Variants in NPAS2 observed in about 807,000 individuals in gnomAD.
NPAS2 encodes the protein neuronal PAS domain-containing protein 2.
A neutral mutation model predicts 107.5 loss-of-function variants in NPAS2; 23 were observed. The observed-to-expected ratio is 0.21, with a 90% CI of 0.15 to 0.30. The LOEUF (loss-of-function observed/expected upper bound fraction) is 0.30, where lower values mean the gene tolerates loss of function less well. Among genes scored for constraint, NPAS2 ranks in the 10% least tolerant of loss-of-function variants. The pLI is 1.00. For missense variants in NPAS2, 756 were observed against 1,043.3 expected (o/e 0.72, Z 3.79); for synonymous variants, 403 against 417.5 (o/e 0.97, Z 0.42).
intron 1 of NPAS2, among the ~76,000 whole-genome samples, chr2:100,900,278 C>T (rs1681689692): frequency 6.6e-6 from 1 of 152,006 alleles, no homozygotes; most frequent in African/African-American, 2.4e-5. Flanking sequence ...TTTTTTTAAG[C>T]AGGCAAAAGA....
chr2:100,957,614 G>A (rs1386630003), intron 7 of NPAS2, among the ~76,000 whole-genome samples: 1 of 152,226 alleles, frequency 6.6e-6, no homozygotes, highest in Non-Finnish European at 1.5e-5. Context: ...GAAACTGGCC[G>A]GGTGATTTTC....
rs767231151 is a variant in NPAS2 at position 100,995,440 on chromosome 2, C to T, written c.2333C>T (p.Ser778Leu). The T allele has an allele frequency of 2.4e-5, 39 of 1,613,916 alleles. No individual in the cohort carries two copies. In the Admixed American group the frequency reaches 2.5e-4, roughly 10 times the overall value. Residue 778 changes from serine (S) to leucine (L), a missense_variant, in exon 21 of 21, where the codon TCG becomes TTG. Transcript: ENST00000335681. ...PTSLHSEQQD[S>L]LLLSTYSQQP... Reference sequence around the variant, plus strand: ...TCTTTGCACAGTGAGCAGCAGGACTCGCTACTTCTCTCCACCTACTCACAA... The same window carrying T: ...TCTTTGCACAGTGAGCAGCAGGACTTGCTACTTCTCTCCACCTACTCACAA...
chr2:100,929,276 A>C (rs1215802170), intron 3 of NPAS2, among the ~76,000 whole-genome samples: 1 of 152,178 alleles, frequency 6.6e-6, no homozygotes. Context: ...TCCAAGTCAG[A>C]CAGCCAGGAA....
intron 1 of NPAS2, among the ~76,000 whole-genome samples, chr2:100,876,822 T>A (rs1044448810): frequency 6.6e-6 from 1 of 152,174 alleles, no homozygotes; most frequent in Non-Finnish European, 1.5e-5. Flanking sequence ...TCCCCGACTC[T>A]TAACAAAGAC....
intron 1 of NPAS2, among the ~76,000 whole-genome samples, chr2:100,844,233 A>G (rs910199618): frequency 1.3e-5 from 2 of 152,090 alleles, no homozygotes; most frequent in Non-Finnish European, 2.9e-5. Context: ...TGTGGGTACC[A>G]CTGAAGGGGG....
intron 7 of NPAS2, among the ~76,000 whole-genome samples, chr2:100,961,540 A>G (rs1352289854): frequency 6.6e-6 from 1 of 152,244 alleles, no homozygotes. Context: ...GCTACAAACA[A>G]TAATGAAACT....
In NPAS2 at chr2:100,839,622, T is replaced by A. The variant is rs181946971; in HGVS notation, c.-23+19208T>A. Among the ~76,000 whole-genome samples the A allele has an allele frequency of 4.6e-5, 7 of 152,308 alleles. No individual in the cohort carries two copies. The East Asian group carries it at 1.4e-3, about 29-fold the overall frequency. On this transcript the variant is annotated intron_variant, in intron 1 of 20. Transcript: ENST00000335681. ...AGGCTTCTGGTCAACAGTAGGTTAT[T>A]CATAGTTAAGTTTTGGGGGAATCAA...
chr2:100,937,904 T>G (rs889814481), intron 5 of NPAS2, 62 bp downstream of exon 5: 1 of 1,270,954 alleles, frequency 7.9e-7, no homozygotes, highest in African/African-American at 1.5e-5. Context: ...TGAGAATCAT[T>G]AGATCTCAGA....
At chr2:100,834,492 T>A (rs1676936971) in intron 1 of NPAS2, among the ~76,000 whole-genome samples, 1 of 152,168 alleles carries the variant, frequency 6.6e-6, no homozygotes, top group Non-Finnish European at 1.5e-5. Flanking sequence ...GACATCTGAC[T>A]TTTTTCAGAT....
chr2:100,852,209 AC>A (rs946435683), intron 1 of NPAS2, among the ~76,000 whole-genome samples: 16 of 152,064 alleles, frequency 1.1e-4, no homozygotes, highest in African/African-American at 3.4e-4. Context: ...ATCCTGGCTA[AC>A]ACGGTGAAAC....
intron 15 of NPAS2, among the ~76,000 whole-genome samples, chr2:100,978,155 C>A (rs1387985550): frequency 6.6e-6 from 1 of 152,098 alleles, no homozygotes. Flanking sequence ...TGCCTCACAT[C>A]CCCCCACCCT....
rs373167060 is a variant in NPAS2, at chr2:100,937,845, G to A, written c.363+3G>A. The A allele has an allele frequency of 3.1e-6, 5 of 1,604,042 alleles. No homozygotes were observed. Among genetic ancestry groups the A allele is most frequent in the African/African-American group, 2.7e-5 (2 of 74,680 alleles). ...CGCCTCTCCTTGGGCATTTACCGGT[G>A]AGTTTCCACTCCAATGGCCTTTACC... On this transcript the variant is annotated splice_donor_region_variant and intron_variant, in intron 5 of 20. Coordinates refer to ENST00000335681, the MANE Select transcript of NPAS2 (RefSeq NM_002518.4).
In NPAS2 at chr2:100,952,678, A is replaced by G. The variant is rs75762861; in HGVS notation, c.598+3198A>G. On this transcript the variant is annotated intron_variant, in intron 7 of 20. Transcript: ENST00000335681. ...TGATCTCATTAAGATGCTGCTGAAT[A>G]TCCCTTTGAAGCATCCTGTCATTTA... is the stretch of plus-strand genomic sequence containing the variant. Among the ~76,000 whole-genome samples the G allele has an allele frequency of 1.0e-3, 152 of 152,192 alleles. 1 individual carries two copies. The East Asian group carries it at 0.027, about 27-fold the overall frequency.
At chr2:100,954,664 C>CAAAAAAAAAAAAAA (rs1194534141) in intron 7 of NPAS2, among the ~76,000 whole-genome samples, 3 of 81,346 alleles carry the variant, frequency 3.7e-5, no homozygotes, top group Non-Finnish European at 7.8e-5. Flanking sequence ...AACTGTGTCT[C>CAAAAAAAAAAAAAA]AAAAAAAAAA....
intron 2 of NPAS2, among the ~76,000 whole-genome samples, chr2:100,909,692 C>T (rs72627430): frequency 0.067 from 10,034 of 150,472 alleles, 510 homozygotes; most frequent in East Asian, 0.14. Flanking sequence ...AGCTCCCACA[C>T]GGGGGGAAAA....
intron 7 of NPAS2, among the ~76,000 whole-genome samples, chr2:100,951,010 G>T (rs1233731261): frequency 6.6e-6 from 1 of 152,202 alleles, no homozygotes; most frequent in Non-Finnish European, 1.5e-5. Context: ...TAGCGCAGTG[G>T]TTCTTTGGGT....
In NPAS2 at chr2:100,829,191, T is replaced by G. The variant is rs6727593; in HGVS notation, c.-23+8777T>G. On this transcript the variant is annotated intron_variant, in intron 1 of 20. Transcript: ENST00000335681. ...GGAACTGTGTGTGTTTTGTTGTTTTTTTTTTTTTTTTGAGACAGAGTCTCA... is the reference window on the plus strand; with the variant it reads ...GGAACTGTGTGTGTTTTGTTGTTTTGTTTTTTTTTTTGAGACAGAGTCTCA... Among the ~76,000 whole-genome samples, 198 of 113,794 alleles carry G rather than the reference T, an allele frequency of 1.7e-3. 2 individuals carry two copies. The highest frequency in any genetic ancestry group is 0.015 in the East Asian group (61 of 3,946). 74.7% of individuals were successfully genotyped at this position (113,794 alleles called of 152,430 possible).
chr2:100,996,240 C>A lies in NPAS2; in HGVS notation c.*658C>A, dbSNP rs1413161825. ...ACAGATTCACACTTTCTGGCCTAAACCCTAATGGGATGAGGCTTTTCACCC... is the reference window on the plus strand; with the variant it reads ...ACAGATTCACACTTTCTGGCCTAAAACCTAATGGGATGAGGCTTTTCACCC... On this transcript the variant is annotated 3_prime_UTR_variant, in exon 21 of 21. Coordinates refer to ENST00000335681, the MANE Select transcript of NPAS2 (RefSeq NM_002518.4). 5.4e-6 allele frequency: 1 copy of A among 186,478 alleles called. No homozygotes were observed. The highest frequency in any genetic ancestry group is 2.4e-5 in the African/African-American group (1 of 42,234). 11.6% of individuals were successfully genotyped at this position (186,478 alleles called of 1,614,324 possible).
At chr2:100,819,486 G>A (rs1417335713), upstream of NPAS2, among the ~76,000 whole-genome samples, 2 of 150,850 alleles carry the variant, frequency 1.3e-5, no homozygotes, top group Admixed American at 1.3e-4. The surrounding 1 kb of genome is among the most constrained non-coding windows in gnomAD (Gnocchi z 5.8). Context: ...ACCTGCCCCC[G>A]GGCCGCACCC....
Sources: gnomAD v4.1 joint callset for allele counts (sites outside exome capture counted in the v4.1 genomes callset) on GRCh38, gnomAD v4.1.1 for gene constraint, Gnocchi (gnomAD v3.1) non-coding constraint, MANE v1.5 for transcripts, NCBI Gene and HGNC (gene_info 2026-07-23, HGNC 2026-07-21) for gene names.